DIPK2B: variants seen among roughly 807,000 people sequenced by gnomAD.
DIPK2B encodes the protein UPF0672 protein CXorf36.
DIPK2B carries 15 observed loss-of-function variants against 22.2 expected under a neutral mutation model. The ratio of observed to expected loss-of-function variants is 0.68; its 90% confidence interval spans 0.45 to 1.04. The LOEUF (loss-of-function observed/expected upper bound fraction) is 1.04, where lower values mean the gene tolerates loss of function less well. DIPK2B is among the 50% of genes least tolerant of loss of function. DIPK2B has a pLI of 0.00. For missense variants in DIPK2B, 345 were observed against 348.3 expected (o/e 0.99, Z 0.08); for synonymous variants, 163 against 153.2 (o/e 1.06, Z -0.47).
At chrX:45,197,720 C>T in intron 1 of DIPK2B, among the ~76,000 whole-genome samples, 1 of 111,746 alleles carries the variant, frequency 8.9e-6, no homozygotes, top group East Asian at 2.8e-4. Context: ...AAAAAAAGTA[C>T]TAAATATTTG....
At chrX:45,185,693 C>T (rs1437791950) in intron 2 of DIPK2B, among the ~76,000 whole-genome samples, 1 of 100,822 alleles carries the variant, frequency 9.9e-6, no homozygotes, top group Non-Finnish European at 2.0e-5. Context: ...CGCTCTGTTG[C>T]CCAGGCTGGA....
chrX:45,184,818 A>G (rs1760455159), intron 2 of DIPK2B, among the ~76,000 whole-genome samples: 1 of 112,417 alleles, frequency 8.9e-6, no homozygotes, highest in Non-Finnish European at 1.9e-5. Context: ...AGGCTAAATC[A>G]TAGTTTGGGG....
At chrX:45,160,730 A>C (rs2047018231) in intron 2 of DIPK2B, among the ~76,000 whole-genome samples, 1 of 112,170 alleles carries the variant, frequency 8.9e-6, no homozygotes, top group Non-Finnish European at 1.9e-5. Flanking sequence ...GAATCCCAGA[A>C]TGGAAGACAG....
intron 2 of DIPK2B, among the ~76,000 whole-genome samples, chrX:45,171,518 C>T (rs373211940): frequency 2.0e-4 from 22 of 111,171 alleles, no homozygotes; most frequent in East Asian, 1.1e-3. Flanking sequence ...TGAAGTTTAG[C>T]TCCCCACCCC....
At chrX:45,159,132 T>C (rs1291580407) in intron 2 of DIPK2B, among the ~76,000 whole-genome samples, 1 of 110,585 alleles carries the variant, frequency 9.0e-6, no homozygotes, top group Non-Finnish European at 1.9e-5. Context: ...GAGATGATCA[T>C]TGGGGAGCAG....
chrX:45,149,868 G>T lies in DIPK2B; in HGVS notation c.*1784C>A. 1 of 112,369 alleles carries T rather than the reference G, an allele frequency of 8.9e-6. No homozygotes were observed. The highest frequency in any genetic ancestry group is 2.8e-4 in the East Asian group (1 of 3,567). 9.3% of individuals were successfully genotyped at this position (112,369 alleles called of 1,213,427 possible). On this transcript the variant is annotated 3_prime_UTR_variant, in exon 5 of 5. Coordinates refer to ENST00000398000, the MANE Select transcript of DIPK2B (RefSeq NM_176819.4). Reference sequence around the variant, plus strand: ...TGCACAGTGAGGCCTATTAAGCCAGGTGTTCTGACTTTATTTTTATTTATT... The same window carrying T: ...TGCACAGTGAGGCCTATTAAGCCAGTTGTTCTGACTTTATTTTTATTTATT...
Position 45,150,728 on chromosome X carries a change from C to T in DIPK2B, c.*924G>A, listed in dbSNP as rs2046956081. 1 of 111,270 alleles carries T rather than the reference C, an allele frequency of 9.0e-6. No homozygotes were observed. Among genetic ancestry groups the T allele is most frequent in the Admixed American group, 9.5e-5 (1 of 10,475 alleles). 9.2% of individuals were successfully genotyped at this position (111,270 alleles called of 1,213,427 possible). On this transcript the variant is annotated 3_prime_UTR_variant, in exon 5 of 5. Coordinates refer to ENST00000398000, the MANE Select transcript of DIPK2B (RefSeq NM_176819.4). ...ATGGCTGCCTTTGTCTTGAGGACAC[C>T]CTGACAGCCTTGCTGAACCTTTCTT... is the stretch of plus-strand genomic sequence containing the variant.
intron 1 of DIPK2B, among the ~76,000 whole-genome samples, chrX:45,197,131 T>C (rs1014570648): frequency 5.4e-5 from 6 of 111,807 alleles, no homozygotes; most frequent in Non-Finnish European, 9.4e-5. Flanking sequence ...GGCTGTAGCA[T>C]TTCAACCAAA....
chrX:45,164,021 G>T, intron 2 of DIPK2B: 1 of 994,693 alleles, frequency 1.0e-6, no homozygotes, highest in South Asian at 4.2e-5. Context: ...GTTGCTGGTG[G>T]GCCTGTGTGT....
At chrX:45,154,278 C>CCTATCTATCTATCTATCTAT (rs57660875) in intron 3 of DIPK2B, 80 bp from the exon 4 acceptor site, 53 of 598,710 alleles carry the variant, frequency 8.9e-5, no homozygotes, top group East Asian at 1.5e-4. Flanking sequence ...TATCTATCTC[C>CCTATCTATCTATCTATCTAT]CTATCTATCT....
chrX:45,192,039 G>A, intron 1 of DIPK2B, 24 bp from the exon 2 acceptor site: 3 of 1,187,366 alleles, frequency 2.5e-6, no homozygotes, highest in Non-Finnish European at 3.4e-6. Flanking sequence ...AGCCCTTTGA[G>A]GATTGGCCTG....
chrX:45,163,269 AT>A, intron 2 of DIPK2B: 1 of 403,985 alleles, frequency 2.5e-6, no homozygotes, highest in Non-Finnish European at 3.1e-6. Flanking sequence ...TACCATATGG[AT>A]TTTGGACTTG....
Position 45,200,835 on chromosome X carries a change from C to T in DIPK2B, c.-9G>A. 4 of 1,160,629 alleles carry T rather than the reference C, an allele frequency of 3.4e-6. No individual in the cohort carries two copies. Among genetic ancestry groups the T allele is most frequent in the Non-Finnish European group, 3.5e-6 (3 of 866,172 alleles). ...CCCAGCTGGGGCTCCATCTTGGGCT[C>T]TGGGCTCCAGCTGCAGCCTCTGGCT... On this transcript the variant is annotated 5_prime_UTR_variant, in exon 1 of 5. Transcript: ENST00000398000.
intron 2 of DIPK2B, among the ~76,000 whole-genome samples, chrX:45,159,388 G>C (rs1294279775): frequency 8.9e-6 from 1 of 111,922 alleles, no homozygotes; most frequent in African/African-American, 3.3e-5. Context: ...GAGATGTAGA[G>C]AGATTAAGTC....
In DIPK2B at chrX:45,170,243, C is replaced by CA. The variant is rs145240278; in HGVS notation, c.499-12356dup. Among the ~76,000 whole-genome samples, 439 of 52,359 alleles carry CA rather than the reference C, an allele frequency of 8.4e-3. 1 individual carries two copies. Among genetic ancestry groups the CA allele is most frequent in the East Asian group, 0.034 (51 of 1,512 alleles). The allele number at this position is 52,359 out of a possible 115,157, so 45.5% of individuals were successfully genotyped here. On this transcript the variant is annotated intron_variant, in intron 2 of 4. Transcript: ENST00000398000. ...TGGGCAACAGAGCAAGACTCCGTCT[C>CA]AAAAAAAAAAAAAAAAAAAAAGGAA...
At chrX:45,166,338 G>A (rs937855187) in intron 2 of DIPK2B, among the ~76,000 whole-genome samples, 1 of 110,987 alleles carries the variant, frequency 9.0e-6, no homozygotes, top group African/African-American at 3.3e-5. Flanking sequence ...GTGGGCTCAT[G>A]GAGTCTTTGT....
At chrX:45,169,885 A>G (rs1324760972) in intron 2 of DIPK2B, among the ~76,000 whole-genome samples, 2 of 111,589 alleles carry the variant, frequency 1.8e-5, no homozygotes, top group Non-Finnish European at 3.8e-5. Flanking sequence ...CCATTTGAAG[A>G]GGCTTAATGA....
chrX:45,153,876 C>T, intron 4 of DIPK2B, 34 bp downstream of exon 4: 2 of 1,183,372 alleles, frequency 1.7e-6, no homozygotes, highest in Non-Finnish European at 1.1e-6. Flanking sequence ...GACTTTCCCT[C>T]TGACAGCTGC....
At chrX:45,152,374 TG>T (rs1387008339) in intron 4 of DIPK2B, among the ~76,000 whole-genome samples, 1 of 108,360 alleles carries the variant, frequency 9.2e-6, no homozygotes, top group Non-Finnish European at 1.9e-5. Flanking sequence ...AAAAAATTAC[TG>T]GGTGAACTAG....
Sources: gnomAD v4.1 joint callset for allele counts (sites outside exome capture counted in the v4.1 genomes callset) on GRCh38, gnomAD v4.1.1 for gene constraint, MANE v1.5 for transcripts, NCBI Gene and HGNC (gene_info 2026-07-23, HGNC 2026-07-21) for gene names.